Variants in KCNT1 observed in about 807,000 individuals in gnomAD.
The protein encoded by KCNT1 is potassium channel subfamily T member 1.
Under a neutral mutation model 147.8 loss-of-function variants are expected in KCNT1, and 78 were observed. The observed-to-expected ratio is 0.53, with a 90% CI of 0.44 to 0.64. The LOEUF is 0.64. KCNT1 is among the 30% of genes least tolerant of loss of function. The pLI, the probability that KCNT1 is intolerant of heterozygous loss-of-function variation, is 0.00. For missense variants in KCNT1, 1,419 were observed against 1,750.3 expected, an observed-to-expected ratio of 0.81 and a Z score of 3.38; for synonymous variants, 867 against 748.8, an observed-to-expected ratio of 1.16 and a Z score of -2.58.
rs894604084 is a variant in KCNT1 at position 135,770,314 on chromosome 9, C to T, written c.1636C>T (p.Pro546Ser). Reference protein sequence around the residue: ...TSRGQEGQESPEQWQRMYGRC... With the variant: ...TSRGQEGQESSEQWQRMYGRC... ...GGCCCACAGGGAGGGACAGGAGTCT[C>T]CGGAGCAGTGGCAGCGCATGTATGG... The change falls in exon 17 of 31, where the codon CCG (proline) becomes TCG (serine). Residue 546 changes from proline (P) to serine (S), a missense_variant. This residue lies in a region of KCNT1 where 401 missense variants were observed against 610.6 expected (regional missense o/e 0.66). Coordinates refer to ENST00000371757, the MANE Select transcript of KCNT1 (RefSeq NM_020822.3). 1 of 1,606,720 alleles carries T rather than the reference C, an allele frequency of 6.2e-7. No homozygotes were observed. Among genetic ancestry groups the T allele is most frequent in the Non-Finnish European group, 8.5e-7 (1 of 1,176,312 alleles).
intron 2 of KCNT1, among the ~76,000 whole-genome samples, chr9:135,733,303 TC>T (rs1328053418): frequency 4.5e-4 from 37 of 81,764 alleles, no homozygotes; most frequent in African/African-American, 1.9e-3. Context: ...CCCCTGCACC[TC>T]CCCCCACACC....
chr9:135,754,673 G>C (rs1042922205), intron 5 of KCNT1, among the ~76,000 whole-genome samples: 6 of 152,226 alleles, frequency 3.9e-5, no homozygotes, highest in Non-Finnish European at 7.3e-5. Context: ...GGGGGCTGTG[G>C]GTTAGATAGC....
In KCNT1 at chr9:135,775,404, C is replaced by A. The variant is rs1833091676; in HGVS notation, c.2338C>A (p.Arg780=). The A allele has an allele frequency of 6.2e-7, 1 of 1,609,586 alleles. No homozygotes were observed. The highest frequency in any genetic ancestry group is 8.5e-7 in the Non-Finnish European group (1 of 1,177,746). ...LPVKAPFCCL[R]LDKGCKHNSY... is the part of the protein sequence containing the mutation. The stretch of plus-strand genomic sequence containing the variant: ...TGTGAAAGCCCCCTTCTGCTGCCTG[C>A]GGCTGGACAAGGTAAGGCTGGCGGC... Residue 780 remains arginine, a synonymous_variant, in exon 20 of 31, where the codon CGG becomes AGG. Transcript: ENST00000371757.
At chr9:135,712,595 G>C (rs988312007) in intron 1 of KCNT1, among the ~76,000 whole-genome samples, 6 of 152,110 alleles carry the variant, frequency 3.9e-5, no homozygotes, top group African/African-American at 1.4e-4. Flanking sequence ...AGGCCTTCCT[G>C]CTTGCGAAAA....
intron 28 of KCNT1, 100 bp downstream of exon 28, chr9:135,785,430 C>T (rs1564392638): frequency 3.5e-6 from 5 of 1,429,496 alleles, no homozygotes; most frequent in Non-Finnish European, 4.7e-6. Flanking sequence ...CACCCACCCA[C>T]AGGGCCCTGG....
intron 1 of KCNT1, among the ~76,000 whole-genome samples, chr9:135,705,288 T>C (rs570112527): frequency 6.6e-6 from 1 of 152,194 alleles, no homozygotes; most frequent in Non-Finnish European, 1.5e-5. Context: ...CTGGAAAGGG[T>C]GGCACTTCTG....
rs1196179092 is a variant in KCNT1, at chr9:135,779,459, A to C, written c.2830A>C (p.Lys944Gln). The change falls in exon 24 of 31, where the codon AAA becomes CAA. Residue 944 changes from lysine (K) to glutamine (Q), a missense_variant. Coordinates refer to ENST00000371757, the MANE Select transcript of KCNT1 (RefSeq NM_020822.3). ...AKDSYSLALS[K>Q]LEKRERENGS... Reference sequence around the variant, plus strand: ...GGACAGCTACTCTCTGGCTCTTTCCAAACTAGAAAAGGTGAGCAGCCCTGC... The same window carrying C: ...GGACAGCTACTCTCTGGCTCTTTCCCAACTAGAAAAGGTGAGCAGCCCTGC... 1 of 1,611,606 alleles carries C rather than the reference A, an allele frequency of 6.2e-7. No individual in the cohort carries two copies. Among genetic ancestry groups the C allele is most frequent in the African/African-American group, 1.3e-5 (1 of 74,862 alleles).
chr9:135,712,630 G>A (rs1260663258), intron 1 of KCNT1, among the ~76,000 whole-genome samples: 2 of 152,132 alleles, frequency 1.3e-5, no homozygotes, highest in Non-Finnish European at 2.9e-5. Flanking sequence ...CCGAGGACAC[G>A]GGGAGCAGCT....
intron 19 of KCNT1, 130 bp from the exon 20 acceptor site, chr9:135,775,180 G>A (rs1230546826): frequency 3.3e-6 from 2 of 606,756 alleles, no homozygotes; most frequent in Non-Finnish European, 5.7e-6. Context: ...TGGGTCAGCT[G>A]TGCGTGACCC....
chr9:135,760,041 G>A (rs1015686027), intron 11 of KCNT1, among the ~76,000 whole-genome samples, 182 bp downstream of exon 11: 53 of 152,262 alleles, frequency 3.5e-4, no homozygotes, highest in East Asian at 3.9e-4. Context: ...CGGCGGGTCC[G>A]GTGGTGCTCA....
At chr9:135,784,925 C>T in intron 27 of KCNT1, 36 bp downstream of exon 27, 1 of 1,603,586 alleles carries the variant, frequency 6.2e-7, no homozygotes, top group South Asian at 1.1e-5. Context: ...ACTGTGGCAG[C>T]CCCTGTCCTG....
intron 2 of KCNT1, among the ~76,000 whole-genome samples, chr9:135,739,982 G>A (rs1386792400): frequency 6.6e-6 from 1 of 152,066 alleles, no homozygotes; most frequent in Non-Finnish European, 1.5e-5. Flanking sequence ...AGCTCAAGAT[G>A]TGGGCAGGGC....
intron 10 of KCNT1, among the ~76,000 whole-genome samples, chr9:135,759,372 C>T (rs193227941): frequency 6.6e-6 from 1 of 152,072 alleles, no homozygotes; most frequent in East Asian, 1.9e-4. Context: ...TTCCAGGGAC[C>T]TAGGAGAGAG....
At position 135,766,056 on chromosome 9, in the gene KCNT1, AGGGTGGACCATCTG is replaced by A. The variant is rs34698704; in HGVS notation, c.1337+310_1337+323del. Among the ~76,000 whole-genome samples the A allele has an allele frequency of 0.21, 30,955 of 150,864 alleles. 3,270 individuals are homozygous for A. The highest frequency in any genetic ancestry group is 0.32 in the Middle Eastern group (93 of 288). On this transcript the variant is annotated intron_variant, in intron 13 of 30. Coordinates refer to ENST00000371757, the MANE Select transcript of KCNT1 (RefSeq NM_020822.3). Reference sequence around the variant, plus strand: ...GTGAACTGTCAAGGGTGGACCATCCAGGGTGGACCATCTGGGGTGGACCATCTAGGATGGACTGT... The same window carrying A: ...GTGAACTGTCAAGGGTGGACCATCCAGGGTGGACCATCTAGGATGGACTGT...
intron 1 of KCNT1, among the ~76,000 whole-genome samples, chr9:135,709,803 C>T (rs1047836451): frequency 5.3e-5 from 8 of 152,222 alleles, no homozygotes; most frequent in Non-Finnish European, 1.2e-4. Flanking sequence ...GCCTCAGCCT[C>T]CCGAGTAGCT....
chr9:135,747,408 G>A (rs1021461511), intron 2 of KCNT1, among the ~76,000 whole-genome samples: 2 of 151,920 alleles, frequency 1.3e-5, no homozygotes, highest in Admixed American at 6.5e-5. Context: ...GGGTACCGCC[G>A]GCAGTGAGGG....
chr9:135,707,318 G>A (rs1294245378), intron 1 of KCNT1, among the ~76,000 whole-genome samples: 1 of 151,902 alleles, frequency 6.6e-6, no homozygotes, highest in Non-Finnish European at 1.5e-5. Flanking sequence ...CCCCCACCAC[G>A]GCCTCCCCAC....
At chr9:135,726,388 A>C (rs1298810846) in intron 2 of KCNT1, among the ~76,000 whole-genome samples, 2 of 152,018 alleles carry the variant, frequency 1.3e-5, no homozygotes, top group Non-Finnish European at 2.9e-5. Flanking sequence ...CTGGGAGCAA[A>C]GCCAGCCCAG....
In KCNT1 at chr9:135,788,200, G is replaced by A. The variant is rs140802775; in HGVS notation, c.3502+1679G>A. 4.1e-4 allele frequency: 648 copies of A among 1,566,258 alleles called. 3 individuals carry two copies. The highest frequency in any genetic ancestry group is 1.5e-3 in the Middle Eastern group (9 of 5,946). ...TGGCGGGTGCCGACCACCGCACAAC[G>A]GGGCTCGCCAACCCTTCACCGCCGG... On this transcript the variant is annotated intron_variant, in intron 29 of 30. Transcript: ENST00000371757.
Sources: gnomAD v4.1 joint callset for allele counts (sites outside exome capture counted in the v4.1 genomes callset) on GRCh38, gnomAD v4.1.1 for gene constraint, gnomAD v4.1.1 regional missense constraint, MANE v1.5 for transcripts, NCBI Gene and HGNC (gene_info 2026-07-23, HGNC 2026-07-21) for gene names.